The following STK33 variants were observed in gnomAD, a reference collection of about 807,000 sequenced individuals.
STK33 encodes serine/threonine-protein kinase 33.
A neutral mutation model predicts 58.0 loss-of-function variants in STK33; 52 were observed. That is an observed-to-expected ratio of 0.90 (90% confidence interval 0.72 to 1.13). The LOEUF is 1.13. Ranked by LOEUF, STK33 falls within the 50% of genes most tolerant of loss-of-function variation. The probability of loss-of-function intolerance (pLI) is 0.00; values close to 1 mark genes in which losing one functional copy is unlikely to be tolerated. For missense variants in STK33, 630 were observed against 604.2 expected (o/e 1.04, Z -0.45); for synonymous variants, 215 against 200.1 (o/e 1.07, Z -0.63).
chr11:8,542,799 C>T (rs898899583), intron 1 of STK33, among the ~76,000 whole-genome samples: 1 of 152,058 alleles, frequency 6.6e-6, no homozygotes, highest in Non-Finnish European at 1.5e-5. Context: ...ACCTCTGCCT[C>T]CCCAGGCTCA....
At chr11:8,354,245 C>T in the STK33 span, among the ~76,000 whole-genome samples, 2 of 152,108 alleles carry the variant, frequency 1.3e-5, no homozygotes, top group East Asian at 1.9e-4. Flanking sequence ...CTGCCAGGCC[C>T]GGCCGGAACT....
At chr11:8,437,214 G>C (rs1027532356) in intron 12 of STK33, among the ~76,000 whole-genome samples, 8 of 152,148 alleles carry the variant, frequency 5.3e-5, no homozygotes, top group African/African-American at 1.9e-4. Context: ...ACATGGACTT[G>C]TTTTCACATT....
At chr11:8,430,818 C>T (rs1000625274) in intron 14 of STK33, among the ~76,000 whole-genome samples, 6 of 151,422 alleles carry the variant, frequency 4.0e-5, no homozygotes, top group African/African-American at 1.5e-4. Flanking sequence ...TAATTGAATA[C>T]TGAGTAAATC....
chr11:8,462,843 C>T (rs1391735396), intron 7 of STK33, among the ~76,000 whole-genome samples: 1 of 152,136 alleles, frequency 6.6e-6, no homozygotes, highest in East Asian at 1.9e-4. Flanking sequence ...AAATCATCAC[C>T]CCTATTGATC....
intron 1 of STK33, among the ~76,000 whole-genome samples, chr11:8,507,784 C>A (rs1273478541): frequency 6.6e-6 from 1 of 152,198 alleles, no homozygotes; most frequent in Non-Finnish European, 1.5e-5. Context: ...ACCTATAATA[C>A]GACTCCTATC....
At chr11:8,549,920 T>C (rs1198316346) in intron 1 of STK33, among the ~76,000 whole-genome samples, 1 of 152,204 alleles carries the variant, frequency 6.6e-6, no homozygotes, top group African/African-American at 2.4e-5. Flanking sequence ...AAAACCAACT[T>C]TTAAATTCAT....
In STK33 at chr11:8,568,325, A is replaced by G. The variant is rs144024502; in HGVS notation, c.-466+25758T>C. 1.4e-4 allele frequency among the ~76,000 whole-genome samples: 21 copies of G among 152,312 alleles called. No individual in the cohort carries two copies. The East Asian group carries it at 3.9e-3, about 28-fold the overall frequency. ...TAAAAGTTCCTCCAAAGTATTATTCATAACATTTACATGTATTTACTACAA... is the reference window on the plus strand; with the variant it reads ...TAAAAGTTCCTCCAAAGTATTATTCGTAACATTTACATGTATTTACTACAA... On this transcript the variant is annotated intron_variant, in intron 1 of 15. Transcript: ENST00000687296.
At chr11:8,585,700 A>C (rs2031456179) in intron 1 of STK33, among the ~76,000 whole-genome samples, 1 of 151,834 alleles carries the variant, frequency 6.6e-6, no homozygotes, top group African/African-American at 2.4e-5. Context: ...GCTTGAGCCC[A>C]GGAGTTCAAG....
chr11:8,361,160 G>A, the STK33 span, among the ~76,000 whole-genome samples: 3 of 152,180 alleles, frequency 2.0e-5, no homozygotes, highest in Non-Finnish European at 2.9e-5. The surrounding 1 kb of genome is among the most constrained non-coding windows in gnomAD (Gnocchi z 4.8). Context: ...GAAAGCCTGA[G>A]GTTCATTCAT....
At chr11:8,429,752 G>C (rs1943193674) in intron 14 of STK33, among the ~76,000 whole-genome samples, 1 of 152,080 alleles carries the variant, frequency 6.6e-6, no homozygotes, top group Non-Finnish European at 1.5e-5. Flanking sequence ...CTTGTTCCCA[G>C]CCTGTTCCAA....
At chr11:8,405,335 T>C (rs983268914) in intron 15 of STK33, among the ~76,000 whole-genome samples, 3 of 152,252 alleles carry the variant, frequency 2.0e-5, no homozygotes, top group African/African-American at 7.2e-5. Flanking sequence ...TGATGACTAA[T>C]GATGTTTAGC....
At chr11:8,581,196 C>T (rs1340236404) in intron 1 of STK33, among the ~76,000 whole-genome samples, 1 of 152,106 alleles carries the variant, frequency 6.6e-6, no homozygotes, top group Non-Finnish European at 1.5e-5. Flanking sequence ...CACAGAAAGC[C>T]TTAACTCAGC....
chr11:8,395,430 G>A (rs1435867861), intron 15 of STK33, among the ~76,000 whole-genome samples: 1 of 152,196 alleles, frequency 6.6e-6, no homozygotes, highest in Non-Finnish European at 1.5e-5. Context: ...ATGTGGAACT[G>A]TGAGTCCATT....
At chr11:8,500,564 A>T (rs1951437906) in intron 1 of STK33, among the ~76,000 whole-genome samples, 1 of 152,184 alleles carries the variant, frequency 6.6e-6, no homozygotes, top group Admixed American at 6.5e-5. Context: ...TTAAAGAAAC[A>T]AATGGAAATA....
At chr11:8,488,247 C>T (rs1213090769) in intron 1 of STK33, among the ~76,000 whole-genome samples, 1 of 152,054 alleles carries the variant, frequency 6.6e-6, no homozygotes, top group Non-Finnish European at 1.5e-5. Flanking sequence ...TTCACAGTTG[C>T]CCAAGGCAGT....
chr11:8,496,274 T>C (rs1951050254), intron 1 of STK33, among the ~76,000 whole-genome samples: 1 of 152,230 alleles, frequency 6.6e-6, no homozygotes, highest in East Asian at 1.9e-4. Context: ...AACTTTGCCA[T>C]ACACTTTGTC....
chr11:8,519,934 T>C (rs1483812733), intron 1 of STK33, among the ~76,000 whole-genome samples: 6 of 152,310 alleles, frequency 3.9e-5, no homozygotes, highest in African/African-American at 1.4e-4. Flanking sequence ...GCTGGTACCA[T>C]TCCTTCTGAA....
At chr11:8,361,349 T>C in the STK33 span, among the ~76,000 whole-genome samples, 1 of 152,124 alleles carries the variant, frequency 6.6e-6, no homozygotes, top group African/African-American at 2.4e-5. This position sits in a 1 kb window ranked among gnomAD's most constrained non-coding sequence, Gnocchi z 4.8. Flanking sequence ...CTTGGGTGGT[T>C]GTCCAGCCTG....
intron 1 of STK33, among the ~76,000 whole-genome samples, chr11:8,523,412 G>A (rs1259678099): frequency 8.6e-5 from 13 of 151,072 alleles, no homozygotes; most frequent in African/African-American, 1.9e-4. Flanking sequence ...CCGCAACCCC[G>A]TCTGGGAGGT....
Sources: gnomAD v4.1 joint callset for allele counts (sites outside exome capture counted in the v4.1 genomes callset) on GRCh38, gnomAD v4.1.1 for gene constraint, Gnocchi (gnomAD v3.1) non-coding constraint, MANE v1.5 for transcripts, NCBI Gene and HGNC (gene_info 2026-07-23, HGNC 2026-07-21) for gene names.